KAZN: variants seen among roughly 807,000 people sequenced by gnomAD.
KAZN encodes kazrin, periplakin interacting protein.
KAZN carries 40 observed loss-of-function variants against 87.4 expected under a neutral mutation model. The ratio of observed to expected loss-of-function variants is 0.46; its 90% CI spans 0.36 to 0.60. The LOEUF is 0.60. KAZN is among the 20% of genes least tolerant of loss of function. The pLI is 0.00. For missense variants in KAZN, 898 were observed against 1,073.9 expected (o/e 0.84, Z 2.29); for synonymous variants, 466 against 458.3 (o/e 1.02, Z -0.22).
At chr1:14,902,062 A>G (rs1210490226) in intron 1 of KAZN, among the ~76,000 whole-genome samples, 3 of 152,116 alleles carry the variant, frequency 2.0e-5, no homozygotes, top group Non-Finnish European at 4.4e-5. Context: ...AGACACAGGC[A>G]CCTAGCGAGG....
At chr1:15,052,672 A>T (rs752401321) in intron 4 of KAZN, among the ~76,000 whole-genome samples, 3 of 152,100 alleles carry the variant, frequency 2.0e-5, no homozygotes, top group Non-Finnish European at 4.4e-5. Context: ...ATTTTAGATG[A>T]GACTTCACAC....
chr1:14,456,851 G>A (rs948884442), intron 2 of KAZN, among the ~76,000 whole-genome samples: 8 of 152,086 alleles, frequency 5.3e-5, no homozygotes, highest in South Asian at 2.1e-4. Flanking sequence ...AGGCTGAGGC[G>A]GGTGGATCAC....
chr1:14,878,131 G>A (rs1488345725), intron 1 of KAZN, among the ~76,000 whole-genome samples: 2 of 152,100 alleles, frequency 1.3e-5, no homozygotes, highest in East Asian at 3.9e-4. Context: ...CTCTCTCTCA[G>A]TCTTAACTTT....
At chr1:14,894,458 T>C (rs955194098) in intron 1 of KAZN, among the ~76,000 whole-genome samples, 2 of 152,228 alleles carry the variant, frequency 1.3e-5, no homozygotes, top group African/African-American at 2.4e-5. Context: ...TTAGGGTCCC[T>C]GGGAAGACTG....
chr1:14,632,548 A>C (rs1265030775), intron 1 of KAZN, among the ~76,000 whole-genome samples: 1 of 150,944 alleles, frequency 6.6e-6, no homozygotes, highest in African/African-American at 2.4e-5. Flanking sequence ...AGTGCCCAGC[A>C]GGAGAATCCT....
At chr1:14,720,537 G>A (rs1012844870) in intron 1 of KAZN, among the ~76,000 whole-genome samples, 2 of 152,094 alleles carry the variant, frequency 1.3e-5, no homozygotes, top group Admixed American at 1.3e-4. Flanking sequence ...CTGCTAGCTC[G>A]CTCTGACAAA....
intron 1 of KAZN, among the ~76,000 whole-genome samples, chr1:14,782,587 A>G (rs1645390799): frequency 6.6e-6 from 1 of 151,782 alleles, no homozygotes; most frequent in Non-Finnish European, 1.5e-5. Flanking sequence ...AAGAAAAGAA[A>G]AAGAAATGCA....
At chr1:14,388,582 C>G (rs1175258462) in intron 2 of KAZN, among the ~76,000 whole-genome samples, 1 of 151,952 alleles carries the variant, frequency 6.6e-6, no homozygotes, top group African/African-American at 2.4e-5. Flanking sequence ...ACAAACATGC[C>G]AAGAGCATAC....
chr1:14,845,748 C>G (rs961802179), intron 1 of KAZN, among the ~76,000 whole-genome samples: 1 of 151,916 alleles, frequency 6.6e-6, no homozygotes, highest in African/African-American at 2.4e-5. Context: ...ATGGAGGAAA[C>G]GCTAAAATGG....
intron 2 of KAZN, among the ~76,000 whole-genome samples, chr1:14,214,677 T>C (rs563806117): frequency 3.3e-5 from 5 of 152,278 alleles, no homozygotes; most frequent in South Asian, 2.1e-4. Flanking sequence ...GATTTACTGA[T>C]GGATTGTATA....
Position 14,117,899 on chromosome 1 carries a change from T to C in KAZN, c.92-62536T>C, listed in dbSNP as rs536874541. Among the ~76,000 whole-genome samples the C allele has an allele frequency of 1.7e-4, 26 of 152,278 alleles. No homozygotes were observed. In the South Asian group the frequency reaches 5.2e-3, roughly 30 times the overall value. ...ATGAGAAGGCCCAGTCTGGTTTCATTGGTCAGGTGGATGGTGTTAATGATT... is the reference window on the plus strand; with the variant it reads ...ATGAGAAGGCCCAGTCTGGTTTCATCGGTCAGGTGGATGGTGTTAATGATT... On this transcript the variant is annotated intron_variant, in intron 1 of 16. Coordinates refer to the KAZN transcript ENST00000636203.
intron 1 of KAZN, among the ~76,000 whole-genome samples, chr1:14,828,564 G>T (rs913744563): frequency 6.6e-6 from 1 of 152,184 alleles, no homozygotes; most frequent in Non-Finnish European, 1.5e-5. Context: ...CCCTGGGGCA[G>T]CCACGTTGGC....
At chr1:14,618,111 G>C (rs1232316118) in intron 1 of KAZN, among the ~76,000 whole-genome samples, 1 of 152,210 alleles carries the variant, frequency 6.6e-6, no homozygotes, top group Non-Finnish European at 1.5e-5. Flanking sequence ...AGCAAGGAAA[G>C]GCTTGAATGC....
At chr1:14,369,744 G>T (rs764969953) in intron 2 of KAZN, among the ~76,000 whole-genome samples, 8 of 152,184 alleles carry the variant, frequency 5.3e-5, no homozygotes, top group Non-Finnish European at 8.8e-5. Context: ...TGCCAGTTAT[G>T]CAAAGTAAGC....
At chr1:14,722,453 G>A (rs1643166432) in intron 1 of KAZN, among the ~76,000 whole-genome samples, 1 of 152,058 alleles carries the variant, frequency 6.6e-6, no homozygotes, top group South Asian at 2.1e-4. Context: ...CATCATTCAG[G>A]GTCAAGGTTT....
intron 2 of KAZN, among the ~76,000 whole-genome samples, chr1:14,416,605 T>G (rs920681031): frequency 1.3e-5 from 2 of 151,920 alleles, no homozygotes; most frequent in South Asian, 2.1e-4. Flanking sequence ...GGCATGGTGG[T>G]GGGCACCTGT....
chr1:14,913,213 G>A (rs568640372), intron 1 of KAZN, among the ~76,000 whole-genome samples: 32 of 152,260 alleles, frequency 2.1e-4, no homozygotes, highest in South Asian at 4.1e-4. Flanking sequence ...CTCACCCAGC[G>A]GCTCTTGGGG....
chr1:14,336,694 T>A (rs576513929), intron 2 of KAZN, among the ~76,000 whole-genome samples: 1 of 152,334 alleles, frequency 6.6e-6, no homozygotes, highest in East Asian at 1.9e-4. Flanking sequence ...GATTTGCATA[T>A]CTCTCATGAC....
At chr1:14,564,807 C>T (rs1419209133) in intron 2 of KAZN, among the ~76,000 whole-genome samples, 8 of 151,954 alleles carry the variant, frequency 5.3e-5, no homozygotes, top group Admixed American at 1.3e-4. Flanking sequence ...AGTGAGACTC[C>T]GTCTCAAAAA....
Sources: allele counts gnomAD v4.1 joint callset (sites outside exome capture counted in the v4.1 genomes callset), GRCh38; gene constraint gnomAD v4.1.1; transcripts MANE v1.5; gene names NCBI Gene and HGNC (gene_info 2026-07-23, HGNC 2026-07-21).